LRP1B: variants seen among roughly 807,000 people sequenced by gnomAD.
LRP1B encodes LDL receptor related protein 1B.
In LRP1B, 217 loss-of-function variants were observed where a neutral mutation model predicts 556.6. The ratio of observed to expected loss-of-function variants is 0.39; its 90% confidence interval spans 0.35 to 0.44. LRP1B has a LOEUF of 0.44. Ranked by LOEUF, LRP1B falls within the 20% of genes least tolerant of loss-of-function variation. LRP1B has a pLI of 1.00. For missense variants in LRP1B, 5,053 were observed against 5,620.8 expected (o/e 0.90, Z 3.23); for synonymous variants, 2,047 against 1,865.8 (o/e 1.10, Z -2.50).
chr2:140,834,949 C>T (rs1691849035), intron 31 of LRP1B, among the ~76,000 whole-genome samples: 1 of 152,028 alleles, frequency 6.6e-6, no homozygotes, highest in Non-Finnish European at 1.5e-5. Context: ...ATAAGCATAT[C>T]TGGGAGCAAC....
intron 2 of LRP1B, among the ~76,000 whole-genome samples, chr2:141,542,125 A>G (rs1222206788): frequency 6.6e-6 from 1 of 152,092 alleles, no homozygotes; most frequent in Non-Finnish European, 1.5e-5. Context: ...CATATGATTT[A>G]TGACTAGGTG....
intron 9 of LRP1B, among the ~76,000 whole-genome samples, chr2:141,057,941 A>AT (rs1574030051): frequency 6.6e-6 from 1 of 151,612 alleles, no homozygotes; most frequent in East Asian, 2.0e-4. Context: ...TACTTTCTTG[A>AT]TTTTCTCTAT....
At chr2:141,240,080 C>T (rs865936756) in intron 5 of LRP1B, among the ~76,000 whole-genome samples, 4 of 151,884 alleles carry the variant, frequency 2.6e-5, no homozygotes, top group East Asian at 1.9e-4. Flanking sequence ...TGGGAGTCAT[C>T]GACAGAGGCT....
At chr2:141,939,968 T>C (rs1468106332) in intron 1 of LRP1B, among the ~76,000 whole-genome samples, 1 of 152,136 alleles carries the variant, frequency 6.6e-6, no homozygotes, top group East Asian at 1.9e-4. Flanking sequence ...TTATATGCAA[T>C]ATCTTTGTGG....
chr2:141,717,764 A>T (rs1201190437), intron 2 of LRP1B, among the ~76,000 whole-genome samples: 3 of 152,214 alleles, frequency 2.0e-5, no homozygotes, highest in South Asian at 4.1e-4. Context: ...TACTGCTGCT[A>T]TTGAGAATGA....
intron 3 of LRP1B, among the ~76,000 whole-genome samples, chr2:141,391,852 A>G (rs537239347): frequency 6.6e-6 from 1 of 152,344 alleles, no homozygotes; most frequent in Admixed American, 6.5e-5. Context: ...AAATTGTCTG[A>G]TTATTCTAGA....
intron 3 of LRP1B, among the ~76,000 whole-genome samples, chr2:141,393,512 A>C (rs767575774): frequency 2.0e-5 from 3 of 152,154 alleles, no homozygotes; most frequent in Non-Finnish European, 4.4e-5. Context: ...ATAAACATGC[A>C]TCTCTATTTC....
intron 2 of LRP1B, among the ~76,000 whole-genome samples, chr2:141,694,429 C>A (rs150757523): frequency 2.2e-3 from 335 of 152,134 alleles, no homozygotes; most frequent in Non-Finnish European, 3.7e-3. Context: ...GCATAATGTG[C>A]CAAGCTCTGT....
intron 63 of LRP1B, among the ~76,000 whole-genome samples, chr2:140,447,552 T>G (rs537878598): frequency 2.6e-5 from 4 of 152,196 alleles, no homozygotes; most frequent in African/African-American, 9.6e-5. Context: ...AAGGAACTGT[T>G]GTGGATGGCT....
intron 22 of LRP1B, among the ~76,000 whole-genome samples, chr2:140,903,870 T>C (rs1394055267): frequency 6.6e-6 from 1 of 151,840 alleles, no homozygotes. Flanking sequence ...TAGTATTGAT[T>C]ACATAGATAA....
chr2:141,413,298 C>T (rs925020560), intron 3 of LRP1B, among the ~76,000 whole-genome samples: 4 of 152,028 alleles, frequency 2.6e-5, no homozygotes, highest in African/African-American at 7.3e-5. Flanking sequence ...CTTTACAAGT[C>T]CTTAAACATG....
intron 41 of LRP1B, among the ~76,000 whole-genome samples, chr2:140,618,090 G>A (rs521021): frequency 0.5 from 76,386 of 151,548 alleles, 19,747 homozygotes; most frequent in African/African-American, 0.62. Flanking sequence ...TTTACTATTC[G>A]GTTATAATAA....
intron 3 of LRP1B, among the ~76,000 whole-genome samples, chr2:141,432,788 T>C (rs1680608719): frequency 6.6e-6 from 1 of 151,914 alleles, no homozygotes; most frequent in African/African-American, 2.4e-5. Context: ...AATTTGAGTA[T>C]TTTGCTTTTT....
intron 67 of LRP1B, among the ~76,000 whole-genome samples, chr2:140,381,471 A>G (rs555738797): frequency 1.3e-5 from 2 of 152,168 alleles, no homozygotes; most frequent in Admixed American, 6.5e-5. Context: ...CAGGTTTTCC[A>G]TAAACCTCAT....
At chr2:140,865,457 T>C (rs1692919720) in intron 27 of LRP1B, among the ~76,000 whole-genome samples, 1 of 152,032 alleles carries the variant, frequency 6.6e-6, no homozygotes, top group African/African-American at 2.4e-5. Context: ...TGAGCCTTTG[T>C]CACCATTTTC....
chr2:140,398,683 T>C (rs1684361554), intron 66 of LRP1B, among the ~76,000 whole-genome samples: 1 of 152,160 alleles, frequency 6.6e-6, no homozygotes, highest in Non-Finnish European at 1.5e-5. Flanking sequence ...CACATCACTA[T>C]GCCAAGCCAA....
chr2:141,896,504 T>G (rs1699457071), intron 1 of LRP1B, among the ~76,000 whole-genome samples: 1 of 152,184 alleles, frequency 6.6e-6, no homozygotes, highest in Admixed American at 6.5e-5. Flanking sequence ...TTGCCCCATA[T>G]GTCATTTTTC....
At chr2:141,471,948 T>C (rs1459779107) in intron 3 of LRP1B, among the ~76,000 whole-genome samples, 1 of 152,224 alleles carries the variant, frequency 6.6e-6, no homozygotes, top group African/African-American at 2.4e-5. Context: ...CCAGGGCCTA[T>C]AAATATTCAT....
intron 32 of LRP1B, among the ~76,000 whole-genome samples, chr2:140,800,893 A>G (rs1690484196): frequency 6.6e-6 from 1 of 152,128 alleles, no homozygotes; most frequent in South Asian, 2.1e-4. Flanking sequence ...TTTCAATTCA[A>G]ATCCTAATAT....
Sources: gnomAD v4.1 joint callset for allele counts (sites outside exome capture counted in the v4.1 genomes callset) on GRCh38, gnomAD v4.1.1 for gene constraint, MANE v1.5 for transcripts, NCBI Gene and HGNC (gene_info 2026-07-23, HGNC 2026-07-21) for gene names.